The following ASIC2 variants were observed in gnomAD, a reference collection of about 807,000 sequenced individuals.
ASIC2 encodes acid sensing ion channel subunit 2, also known as acid-sensing ion channel 2.
Under a neutral mutation model 57.3 loss-of-function variants are expected in ASIC2, and 25 were observed. The observed-to-expected ratio is 0.44, with a 90% CI of 0.32 to 0.61. The LOEUF (loss-of-function observed/expected upper bound fraction) is 0.61. Ranked by LOEUF, ASIC2 falls within the 20% of genes least tolerant of loss-of-function variation. ASIC2 has a pLI of 0.06. For synonymous variants in ASIC2, 319 were observed against 307.5 expected (o/e 1.04, Z -0.39); for missense variants, 641 against 738.1 (o/e 0.87, Z 1.52).
intron 1 of ASIC2, among the ~76,000 whole-genome samples, chr17:33,907,633 G>A (rs1915376821): frequency 6.6e-6 from 1 of 152,014 alleles, no homozygotes; most frequent in Admixed American, 6.6e-5. Context: ...TGTTTTTCTG[G>A]AATTCTTTTC....
At chr17:33,374,466 A>G (rs538140052) in intron 1 of ASIC2, among the ~76,000 whole-genome samples, 80 of 152,130 alleles carry the variant, frequency 5.3e-4, no homozygotes, top group African/African-American at 1.9e-3. Flanking sequence ...AGCAGCACCT[A>G]TTTCCCAGCC....
At chr17:33,845,863 A>G (rs35716188) in intron 1 of ASIC2, among the ~76,000 whole-genome samples, 1 of 152,184 alleles carries the variant, frequency 6.6e-6, no homozygotes, top group Non-Finnish European at 1.5e-5. Flanking sequence ...ATGAGGCCAC[A>G]TTATTTCAGA....
chr17:33,406,010 A>G (rs1005534543), intron 1 of ASIC2, among the ~76,000 whole-genome samples: 1 of 147,608 alleles, frequency 6.8e-6, no homozygotes, highest in South Asian at 2.2e-4. Context: ...GGAAAATGCA[A>G]AACAGGCTCT....
At chr17:33,031,311 T>C (rs1175915914) in intron 3 of ASIC2, among the ~76,000 whole-genome samples, 2 of 152,172 alleles carry the variant, frequency 1.3e-5, no homozygotes, top group African/African-American at 4.8e-5. Context: ...CATAAAGTTG[T>C]ATGTAATATT....
intron 1 of ASIC2, among the ~76,000 whole-genome samples, chr17:33,817,114 A>C (rs1158798542): frequency 1.3e-5 from 2 of 152,160 alleles, no homozygotes. Context: ...CCCCCATGCC[A>C]GAGGGTCTGA....
At chr17:34,040,477 C>T (rs1041403326) in intron 1 of ASIC2, among the ~76,000 whole-genome samples, 9 of 151,596 alleles carry the variant, frequency 5.9e-5, no homozygotes, top group South Asian at 4.2e-4. Context: ...GGGGGGTCCC[C>T]GCTGCCCCCT....
Position 33,393,503 on chromosome 17 carries a change from G to A in ASIC2, c.556-281436C>T, listed in dbSNP as rs78328715. On this transcript the variant is annotated intron_variant, in intron 1 of 9. Coordinates refer to the ASIC2 transcript ENST00000359872. ...ATAGCAACTTTCCTCATCCAGTGTA[G>A]GAGAAAAAGCTTGAACCACACTATC... Among the ~76,000 whole-genome samples the A allele has an allele frequency of 1.5e-3, 229 of 152,178 alleles. 4 individuals are homozygous for A. In the East Asian group the frequency reaches 0.031, roughly 21 times the overall value.
chr17:33,277,032 A>G (rs1904733558), intron 1 of ASIC2, among the ~76,000 whole-genome samples: 1 of 152,170 alleles, frequency 6.6e-6, no homozygotes, highest in South Asian at 2.1e-4. Flanking sequence ...TAGGAGCTTG[A>G]CAGGAATGCA....
At chr17:33,644,836 GT>G (rs1906690148) in intron 1 of ASIC2, among the ~76,000 whole-genome samples, 1 of 152,166 alleles carries the variant, frequency 6.6e-6, no homozygotes, top group African/African-American at 2.4e-5. Flanking sequence ...AGATATTTGT[GT>G]GTTCATTGGC....
intron 1 of ASIC2, among the ~76,000 whole-genome samples, chr17:33,413,136 T>C (rs944439665): frequency 2.6e-5 from 4 of 151,890 alleles, no homozygotes; most frequent in African/African-American, 9.7e-5. Context: ...CCGAGATGTG[T>C]TTCCAAGGTT....
At chr17:33,740,873 A>T (rs1225324813) in intron 1 of ASIC2, among the ~76,000 whole-genome samples, 2 of 152,210 alleles carry the variant, frequency 1.3e-5, no homozygotes, top group Non-Finnish European at 2.9e-5. Flanking sequence ...ACTCTGCTAG[A>T]GTCTCTAAAA....
chr17:33,053,995 C>T (rs1331527760), intron 3 of ASIC2, among the ~76,000 whole-genome samples: 1 of 152,122 alleles, frequency 6.6e-6, no homozygotes, highest in Non-Finnish European at 1.5e-5. Context: ...TCATCTCCTT[C>T]CCTTTCACCA....
intron 1 of ASIC2, among the ~76,000 whole-genome samples, chr17:33,458,322 C>A (rs965170929): frequency 2.6e-5 from 4 of 152,218 alleles, no homozygotes; most frequent in African/African-American, 9.7e-5. Flanking sequence ...AGATGCAGCA[C>A]AAAGGCTAGG....
intron 1 of ASIC2, among the ~76,000 whole-genome samples, chr17:33,829,691 C>T (rs1201327658): frequency 6.6e-6 from 1 of 151,766 alleles, no homozygotes; most frequent in Non-Finnish European, 1.5e-5. Context: ...ATTCTCCTGA[C>T]TCAGCCTCCT....
chr17:33,304,404 T>G (rs576448386), intron 1 of ASIC2, among the ~76,000 whole-genome samples: 1 of 152,308 alleles, frequency 6.6e-6, no homozygotes, highest in South Asian at 2.1e-4. Context: ...CAGGACCAAG[T>G]TAGGAAAGGT....
At chr17:33,086,085 A>G in intron 3 of ASIC2, among the ~76,000 whole-genome samples, 1 of 152,194 alleles carries the variant, frequency 6.6e-6, no homozygotes, top group Admixed American at 6.5e-5. Context: ...CATATTGGGA[A>G]GGGAAAGAGA....
At chr17:33,844,464 TA>T (rs1244115329) in intron 1 of ASIC2, among the ~76,000 whole-genome samples, 2 of 152,128 alleles carry the variant, frequency 1.3e-5, no homozygotes, top group African/African-American at 4.8e-5. Flanking sequence ...GGCTTTATCA[TA>T]AAATCGACTG....
At chr17:33,028,504 A>T in intron 3 of ASIC2, 112 bp from the exon 4 acceptor site, 1 of 1,332,384 alleles carries the variant, frequency 7.5e-7, no homozygotes, top group Non-Finnish European at 1.0e-6. Flanking sequence ...CATTAACTTT[A>T]TAGACCTTCA....
intron 1 of ASIC2, among the ~76,000 whole-genome samples, chr17:34,000,024 T>C (rs1386345697): frequency 2.6e-5 from 4 of 151,770 alleles, no homozygotes; most frequent in East Asian, 3.9e-4. Context: ...TTCTTAAGTA[T>C]AGTATTTTTG....
Sources: gnomAD v4.1 joint callset for allele counts (sites outside exome capture counted in the v4.1 genomes callset) on GRCh38, gnomAD v4.1.1 for gene constraint, MANE v1.5 for transcripts, NCBI Gene and HGNC (gene_info 2026-07-23, HGNC 2026-07-21) for gene names.